The following SMAD3 variants were observed in gnomAD, a reference collection of about 807,000 sequenced individuals.
The protein encoded by SMAD3 is MAD homolog 3.
Under a neutral mutation model 51.8 loss-of-function variants are expected in SMAD3, and 12 were observed. The ratio of observed to expected loss-of-function variants is 0.23; its 90% CI spans 0.15 to 0.38. SMAD3 has a LOEUF of 0.38. Among genes scored for constraint, SMAD3 ranks in the 10% least tolerant of loss-of-function variants. SMAD3 has a pLI of 1.00. For synonymous variants in SMAD3, 238 were observed against 227.7 expected, an observed-to-expected ratio of 1.05 and a Z score of -0.41; for missense variants, 294 against 565.6, an observed-to-expected ratio of 0.52 and a Z score of 4.87.
intron 1 of SMAD3, among the ~76,000 whole-genome samples, chr15:67,140,088 T>C (rs5019240): frequency 0.99 from 149,824 of 152,014 alleles, 73,869 homozygotes; most frequent in East Asian, 1. Context: ...CACCATTGCA[T>C]CCTAGCCTGG....
chr15:67,161,873 A>G (rs1235030469), intron 1 of SMAD3, among the ~76,000 whole-genome samples: 2 of 152,192 alleles, frequency 1.3e-5, no homozygotes, highest in Admixed American at 6.5e-5. Context: ...TCTCCCAGCT[A>G]GGAGAGTAGA....
At chr15:67,174,251 T>C (rs1962829939) in intron 5 of SMAD3, 1 of 152,296 alleles carries the variant, frequency 6.6e-6, no homozygotes, top group Non-Finnish European at 1.5e-5. Context: ...TACTTCTGTC[T>C]TACCGCCCCA....
At chr15:67,144,962 C>T (rs540774151) in intron 1 of SMAD3, among the ~76,000 whole-genome samples, 5 of 152,208 alleles carry the variant, frequency 3.3e-5, no homozygotes, top group African/African-American at 1.2e-4. Context: ...TTCCCTCATC[C>T]TCACAAAGCC....
chr15:67,160,575 A>G (rs1485333711), intron 1 of SMAD3, among the ~76,000 whole-genome samples: 4 of 152,196 alleles, frequency 2.6e-5, no homozygotes, highest in East Asian at 3.9e-4. Context: ...GTTCGAGACC[A>G]TCCTGGTTAA....
intron 1 of SMAD3, among the ~76,000 whole-genome samples, chr15:67,070,557 C>T (rs1443353178): frequency 6.6e-6 from 1 of 151,758 alleles, no homozygotes; most frequent in Admixed American, 6.6e-5. Context: ...GTTTGAGAAG[C>T]TCCCAGCCTG....
chr15:67,150,259 A>G (rs918448272), intron 1 of SMAD3, among the ~76,000 whole-genome samples: 6 of 152,168 alleles, frequency 3.9e-5, no homozygotes, highest in African/African-American at 9.7e-5. Flanking sequence ...CCGGTGACTC[A>G]TAATTAAGGA....
At chr15:67,146,598 A>G (rs1352433250) in intron 1 of SMAD3, among the ~76,000 whole-genome samples, 4 of 152,094 alleles carry the variant, frequency 2.6e-5, no homozygotes, top group Non-Finnish European at 4.4e-5. Flanking sequence ...AGACACTTAT[A>G]TGGAATCTCA....
chr15:67,141,604 G>A (rs976901218), intron 1 of SMAD3, among the ~76,000 whole-genome samples: 1 of 152,182 alleles, frequency 6.6e-6, no homozygotes, highest in Non-Finnish European at 1.5e-5. Context: ...CCTGAAGGCT[G>A]TACCAGGACC....
chr15:67,163,165 G>A (rs1412092215), intron 1 of SMAD3, among the ~76,000 whole-genome samples: 2 of 151,994 alleles, frequency 1.3e-5, no homozygotes, highest in Admixed American at 6.6e-5. Flanking sequence ...GTAGAGACAG[G>A]GTTTCACCAT....
At chr15:67,145,375 G>A (rs1751080325) in intron 1 of SMAD3, among the ~76,000 whole-genome samples, 2 of 152,178 alleles carry the variant, frequency 1.3e-5, no homozygotes, top group African/African-American at 4.8e-5. Flanking sequence ...AAATTTGATA[G>A]ACCTGGGAAA....
chr15:67,071,490 A>G (rs111473304), intron 1 of SMAD3, among the ~76,000 whole-genome samples: 2 of 152,210 alleles, frequency 1.3e-5, no homozygotes, highest in Admixed American at 1.3e-4. Flanking sequence ...GTATCAGCTC[A>G]GAATATGACA....
At position 67,125,964 on chromosome 15, in the gene SMAD3, G is replaced by A. The variant is rs150350777; in HGVS notation, c.207-38931G>A. 598 of 985,602 alleles carry A rather than the reference G, an allele frequency of 6.1e-4. 9 individuals carry two copies. In the African/African-American group the frequency reaches 9.4e-3, roughly 16 times the overall value. 61.1% of individuals were successfully genotyped at this position (985,602 alleles called of 1,614,324 possible). A position where few individuals can be genotyped will look rare whatever the true frequency, so the allele number is the denominator to read the frequency against. On this transcript the variant is annotated intron_variant, in intron 1 of 8. Transcript: ENST00000327367. The stretch of plus-strand genomic sequence containing the variant: ...TGCATGGAAACCCACACTCGGGCCT[G>A]TGTTGAGCAACCACGTTTGAGTAAG...
chr15:67,071,886 C>T lies in SMAD3; in HGVS notation c.206+5526C>T, dbSNP rs188760791. Among the ~76,000 whole-genome samples, 257 of 152,272 alleles carry T rather than the reference C, an allele frequency of 1.7e-3. 4 individuals carry two copies. Among genetic ancestry groups the T allele is most frequent in the Admixed American group, 0.016 (243 of 15,294 alleles). On this transcript the variant is annotated intron_variant, in intron 1 of 8. Transcript: ENST00000327367. ...TTTGAAATTCAAAGCTTCGGTGTGA[C>T]CTAGCTTCTCATTTCTCTAGTTAAC...
chr15:67,107,597 C>T (rs956953055), intron 1 of SMAD3, among the ~76,000 whole-genome samples: 6 of 152,258 alleles, frequency 3.9e-5, no homozygotes, highest in Non-Finnish European at 8.8e-5. Context: ...CTCTCTGAGC[C>T]TTGCCACGGT....
At chr15:67,162,946 GTGATGATGA>G (rs57597599) in intron 1 of SMAD3, among the ~76,000 whole-genome samples, 90 of 145,446 alleles carry the variant, frequency 6.2e-4, no homozygotes, top group African/African-American at 1.6e-3. Flanking sequence ...GTAGGTTTCT[GTGATGATGA>G]TGATGATGAT....
intron 1 of SMAD3, among the ~76,000 whole-genome samples, chr15:67,108,885 G>T (rs949108137): frequency 1.3e-5 from 2 of 152,196 alleles, no homozygotes; most frequent in Admixed American, 1.3e-4. Context: ...GAAAACCAGA[G>T]ATTGCACTGA....
rs1020465959 is a variant in SMAD3 at position 67,190,613 on chromosome 15, T to C, written c.*77T>C. 2.1e-6 allele frequency: 3 copies of C among 1,460,298 alleles called. No individual in the cohort carries two copies. Among genetic ancestry groups the C allele is most frequent in the African/African-American group, 1.4e-5 (1 of 71,978 alleles). The allele number at this position is 1,460,298 out of a possible 1,614,324, so 90.5% of individuals were successfully genotyped here. A position where few individuals can be genotyped will look rare whatever the true frequency, so the allele number is the denominator to read the frequency against. On this transcript the variant is annotated 3_prime_UTR_variant, in exon 9 of 9. Transcript: ENST00000327367. ...GAGGTGGAGAAAATTGGAACTCTAC[T>C]CAACCCATTGTTGTCAAGGAAGAAG...
chr15:67,102,288 C>T (rs552907072), intron 1 of SMAD3, among the ~76,000 whole-genome samples: 1 of 133,940 alleles, frequency 7.5e-6, no homozygotes, highest in African/African-American at 2.6e-5. Context: ...TGTGCATGCT[C>T]GCGTGCATGA....
At position 67,069,713 on chromosome 15, in the gene SMAD3, G is replaced by GTT. The variant is rs11400070; in HGVS notation, c.206+3362_206+3363dup. Among the ~76,000 whole-genome samples the GTT allele has an allele frequency of 4.9e-3, 726 of 149,380 alleles. 7 individuals carry two copies. The highest frequency in any genetic ancestry group is 0.016 in the African/African-American group (670 of 40,772). On this transcript the variant is annotated intron_variant, in intron 1 of 8. Transcript: ENST00000327367. ...TCTACTCCCTCCCTGTGAATCTGATGTTTTTTTTTTGGAGACAGAGTCTTG... is the reference window on the plus strand; with the variant it reads ...TCTACTCCCTCCCTGTGAATCTGATGTTTTTTTTTTTTGGAGACAGAGTCTTG...
Sources: allele counts gnomAD v4.1 joint callset (sites outside exome capture counted in the v4.1 genomes callset), GRCh38; gene constraint gnomAD v4.1.1; transcripts MANE v1.5; gene names NCBI Gene and HGNC (gene_info 2026-07-23, HGNC 2026-07-21).